ACTN2: variants seen among roughly 807,000 people sequenced by gnomAD.
ACTN2 encodes the protein actinin alpha 2, also known as alpha-actinin-2.
ACTN2 carries 39 observed loss-of-function variants against 113.8 expected under a neutral mutation model. The ratio of observed to expected loss-of-function variants is 0.34; its 90% CI spans 0.27 to 0.45. The LOEUF is 0.45. ACTN2 is among the 20% of genes least tolerant of loss of function. The pLI is 1.00. For missense variants in ACTN2, 992 were observed against 1,177.9 expected (o/e 0.84, Z 2.31); for synonymous variants, 429 against 444.1 (o/e 0.97, Z 0.43).
intron 6 of ACTN2, among the ~76,000 whole-genome samples, chr1:236,729,064 A>T (rs893082129): frequency 3.9e-5 from 6 of 151,966 alleles, no homozygotes; most frequent in African/African-American, 1.4e-4. Flanking sequence ...TTCAGAAGGG[A>T]CCTTGATTTC....
rs536983633 is a variant in ACTN2, at chr1:236,719,063, A to T, written c.361+50A>T. The T allele has an allele frequency of 4.3e-6, 7 of 1,610,978 alleles. No individual in the cohort carries two copies. In the South Asian group the frequency reaches 6.6e-5, roughly 15 times the overall value. ...GTCTGCCACACTGACCTAATAGCGT[A>T]GGTGTGGGCTGCGACTTGAATTCTC... On this transcript the variant is annotated intron_variant, in intron 3 of 20. Coordinates refer to ENST00000366578, the MANE Select transcript of ACTN2 (RefSeq NM_001103.4).
Position 236,761,272 on chromosome 1 carries a change from G to A in ACTN2, c.2526+99G>A, listed in dbSNP as rs138274006. The A allele has an allele frequency of 5.2e-4, 737 of 1,404,346 alleles. 9 individuals carry two copies. In the East Asian group the frequency reaches 0.015, roughly 28 times the overall value. 87.0% of individuals were successfully genotyped at this position (1,404,346 alleles called of 1,614,324 possible). ...TGTAAATAAAAACCATTTTTATGCCGGTGTATTTTGTACAACATTGGCACT... is the reference window on the plus strand; with the variant it reads ...TGTAAATAAAAACCATTTTTATGCCAGTGTATTTTGTACAACATTGGCACT... On this transcript the variant is annotated intron_variant, in intron 20 of 20. Coordinates refer to ENST00000366578, the MANE Select transcript of ACTN2 (RefSeq NM_001103.4).
At chr1:236,758,734 C>G (rs1329166573) in intron 18 of ACTN2, among the ~76,000 whole-genome samples, 1 of 152,032 alleles carries the variant, frequency 6.6e-6, no homozygotes, top group Non-Finnish European at 1.5e-5. Context: ...ATTATCCTGC[C>G]TCAGCCTCCC....
chr1:236,694,839 G>C (rs1188914218), intron 1 of ACTN2, among the ~76,000 whole-genome samples: 4 of 149,588 alleles, frequency 2.7e-5, no homozygotes, highest in Non-Finnish European at 5.9e-5. Flanking sequence ...CTGAGGCAAG[G>C]CTGTCTCTTG....
intron 1 of ACTN2, among the ~76,000 whole-genome samples, chr1:236,706,519 T>C (rs1657828176): frequency 6.6e-6 from 1 of 152,186 alleles, no homozygotes; most frequent in African/African-American, 2.4e-5. Context: ...TACAATGGCA[T>C]TGGGTAGAAA....
intron 1 of ACTN2, among the ~76,000 whole-genome samples, chr1:236,688,185 GT>G (rs201908640): frequency 2.6e-5 from 4 of 150,964 alleles, no homozygotes; most frequent in South Asian, 2.1e-4. Context: ...AGCAGTGAGT[GT>G]TTTTTTTTAA....
intron 7 of ACTN2, among the ~76,000 whole-genome samples, chr1:236,731,987 C>T (rs974642714): frequency 2.0e-5 from 3 of 152,140 alleles, no homozygotes; most frequent in South Asian, 2.1e-4. Context: ...GGACACCATT[C>T]GTTCATTTTA....
chr1:236,735,548 C>T (rs1658843197), intron 7 of ACTN2, 87 bp from the exon 8 acceptor site: 16 of 1,241,894 alleles, frequency 1.3e-5, no homozygotes, highest in East Asian at 2.3e-5. Context: ...TTGTTCTTCC[C>T]TCTGTTCTCC....
At chr1:236,726,427 T>A (rs1033485740) in intron 5 of ACTN2, among the ~76,000 whole-genome samples, 9 of 152,230 alleles carry the variant, frequency 5.9e-5, no homozygotes, top group African/African-American at 2.2e-4. Flanking sequence ...CTGTAGGAAA[T>A]AGATCCTTCA....
intron 1 of ACTN2, among the ~76,000 whole-genome samples, chr1:236,715,079 A>G (rs932478699): frequency 1.3e-5 from 2 of 152,144 alleles, no homozygotes; most frequent in African/African-American, 4.8e-5. Flanking sequence ...GGGGTAGGGC[A>G]TTGGGTAGCC....
intron 4 of ACTN2, among the ~76,000 whole-genome samples, chr1:236,725,672 C>T (rs1440284875): frequency 6.6e-6 from 1 of 152,082 alleles, no homozygotes; most frequent in Admixed American, 6.6e-5. Flanking sequence ...GGGCGAGTCA[C>T]CAACCACCCT....
Position 236,751,466 on chromosome 1 carries a change from G to A in ACTN2, c.1657-4G>A, listed in dbSNP as rs572309597. ...GTTTTTCTCCACTTGTGTCTCGGGT[G>A]TAGAGTCTGATCACTGCGCATGAGC... On this transcript the variant is annotated splice_region_variant and splice_polypyrimidine_tract_variant and intron_variant, in intron 14 of 20. Coordinates refer to ENST00000366578, the MANE Select transcript of ACTN2 (RefSeq NM_001103.4). The A allele has an allele frequency of 1.2e-6, 2 of 1,614,000 alleles. No individual in the cohort carries two copies. Among genetic ancestry groups the A allele is most frequent in the Admixed American group, 1.7e-5 (1 of 60,020 alleles).
intron 15 of ACTN2, among the ~76,000 whole-genome samples, chr1:236,752,245 T>A (rs373017640): frequency 1.4e-4 from 22 of 152,302 alleles, no homozygotes; most frequent in African/African-American, 5.1e-4. Flanking sequence ...GCACAATTAG[T>A]CATCTCAGTA....
rs759372252 is a variant in ACTN2 at position 236,715,154 on chromosome 1, C to A, written c.127-2704C>A. Among the ~76,000 whole-genome samples, 34 of 132,392 alleles carry A rather than the reference C, an allele frequency of 2.6e-4. No homozygotes were observed. In the East Asian group the frequency reaches 3.0e-3, roughly 12 times the overall value. The allele number at this position is 132,392 out of a possible 152,430, so 86.9% of individuals were successfully genotyped here. On this transcript the variant is annotated intron_variant, in intron 1 of 20. Transcript: ENST00000366578. The stretch of plus-strand genomic sequence containing the variant: ...TTTCGTACCACTTGAATTTCTTTTT[C>A]CTTTTTTTTTTTTTTATTCTACTTT...
At chr1:236,721,258 G>A (rs1450905919) in intron 4 of ACTN2, among the ~76,000 whole-genome samples, 5 of 151,450 alleles carry the variant, frequency 3.3e-5, no homozygotes, top group African/African-American at 1.2e-4. Context: ...GATCTCCTGA[G>A]CTCGTGATCC....
chr1:236,745,876 C>T (rs1431701332), intron 12 of ACTN2, among the ~76,000 whole-genome samples: 3 of 151,938 alleles, frequency 2.0e-5, no homozygotes, highest in Non-Finnish European at 2.9e-5. Flanking sequence ...AAAACTGCCA[C>T]GTTCTGGCTG....
In ACTN2 at chr1:236,763,889, C is replaced by T. The variant is rs560327300; in HGVS notation, c.*1270C>T. On this transcript the variant is annotated 3_prime_UTR_variant, in exon 21 of 21. Coordinates refer to ENST00000366578, the MANE Select transcript of ACTN2 (RefSeq NM_001103.4). ...CTCATACTGCTGTAGGCTATAATTC[C>T]CCCCTGTTTTTCCATCTTGTTGACA... 6.6e-6 allele frequency: 1 copy of T among 152,238 alleles called. No individual in the cohort carries two copies. Among genetic ancestry groups the T allele is most frequent in the Admixed American group, 6.5e-5 (1 of 15,288 alleles). 9.4% of individuals were successfully genotyped at this position (152,238 alleles called of 1,614,324 possible).
rs760714286 is a variant in ACTN2 at position 236,744,760 on chromosome 1, A to G, written c.1390A>G (p.Ile464Val). 1.1e-5 allele frequency: 17 copies of G among 1,614,114 alleles called. No homozygotes were observed. Among genetic ancestry groups the G allele is most frequent in the Non-Finnish European group, 1.4e-5 (17 of 1,180,006 alleles). Residue 464 changes from isoleucine (I) to valine (V), a missense_variant, in exon 12 of 21, where the codon ATC (isoleucine) becomes GTC (valine). Transcript: ENST00000366578. Reference protein sequence around the residue: ...HQDRVEQIAAIAQELNELDYH... With the variant: ...HQDRVEQIAAVAQELNELDYH... ...GGACCGCGTGGAGCAGATCGCAGCC[A>G]TCGCGCAGGAGCTCAAGTATGTGCA...
chr1:236,692,787 A>T (rs1666132115), intron 1 of ACTN2, among the ~76,000 whole-genome samples: 1 of 5,948 alleles, frequency 1.7e-4, no homozygotes, highest in Admixed American at 5.6e-3. Flanking sequence ...AGCCCATTAT[A>T]AGATTTTCCA....
Sources: allele counts gnomAD v4.1 joint callset (sites outside exome capture counted in the v4.1 genomes callset), GRCh38; gene constraint gnomAD v4.1.1; transcripts MANE v1.5; gene names NCBI Gene and HGNC (gene_info 2026-07-23, HGNC 2026-07-21).